CFAP61: variants seen among roughly 807,000 people sequenced by gnomAD.
CFAP61 encodes cilia- and flagella-associated protein 61.
A neutral mutation model predicts 135.6 loss-of-function variants in CFAP61; 107 were observed. That is an observed-to-expected ratio of 0.79 (90% confidence interval 0.67 to 0.93). CFAP61 has a LOEUF of 0.93. CFAP61 is among the 40% of genes least tolerant of loss of function. The probability of loss-of-function intolerance (pLI) is 0.00; values close to 1 mark genes in which losing one functional copy is unlikely to be tolerated. For missense variants in CFAP61, 1,507 were observed against 1,556.2 expected, an observed-to-expected ratio of 0.97 and a Z score of 0.53; for synonymous variants, 575 against 578.5, an observed-to-expected ratio of 0.99 and a Z score of 0.09.
intron 17 of CFAP61, among the ~76,000 whole-genome samples, chr20:20,218,379 T>G (rs1005902471): frequency 5.3e-5 from 8 of 152,234 alleles, no homozygotes; most frequent in Non-Finnish European, 7.3e-5. Context: ...CCACCATGAT[T>G]GTGAGACCTT....
chr20:20,207,566 A>T (rs1353968762), intron 17 of CFAP61, among the ~76,000 whole-genome samples: 1 of 152,186 alleles, frequency 6.6e-6, no homozygotes, highest in Admixed American at 6.5e-5. Context: ...GCTTCTTCAG[A>T]ATCTGCCTTT....
chr20:20,307,122 G>A lies in CFAP61; in HGVS notation c.3422+8736G>A, dbSNP rs902708027. Reference sequence around the variant, plus strand: ...ACCACCCTCTTTGTCCTGTGCCCCTGTGCACACTTGGTATATATCCTAAGA... The same window carrying A: ...ACCACCCTCTTTGTCCTGTGCCCCTATGCACACTTGGTATATATCCTAAGA... On this transcript the variant is annotated intron_variant, in intron 25 of 26. Coordinates refer to ENST00000245957, the MANE Select transcript of CFAP61 (RefSeq NM_015585.4). Among the ~76,000 whole-genome samples the A allele has an allele frequency of 5.9e-5, 9 of 152,198 alleles. No homozygotes were observed. The East Asian group carries it at 1.7e-3, about 29-fold the overall frequency.
rs1555959220 is a variant in CFAP61 at position 20,296,326 on chromosome 20, C to CCCTTGCTTCCTTCCTTCCCT, written c.3217-1851_3217-1850insGCTTCCTTCCTTCCCTCCTT. On this transcript the variant is annotated intron_variant, in intron 24 of 26. Transcript: ENST00000245957. ...TCCTTCCTTCCTTCCCTCCTTCCTT[C>CCCTTGCTTCCTTCCTTCCCT]CCTTCCTTCCTTCCTTGCTTCCTTC... 3.3e-3 allele frequency among the ~76,000 whole-genome samples: 115 copies of CCCTTGCTTCCTTCCTTCCCT among 34,680 alleles called. 2 individuals are homozygous for CCCTTGCTTCCTTCCTTCCCT. Among genetic ancestry groups the CCCTTGCTTCCTTCCTTCCCT allele is most frequent in the African/African-American group, 0.012 (110 of 9,004 alleles). 22.8% of individuals were successfully genotyped at this position (34,680 alleles called of 152,430 possible).
intron 1 of CFAP61, among the ~76,000 whole-genome samples, chr20:20,053,462 G>T (rs529826596): frequency 6.6e-6 from 1 of 152,100 alleles, no homozygotes; most frequent in African/African-American, 2.4e-5. Flanking sequence ...TTTATATTAG[G>T]GTTCACTCTT....
At chr20:20,153,795 G>T (rs748709767) in intron 9 of CFAP61, among the ~76,000 whole-genome samples, 1 of 152,062 alleles carries the variant, frequency 6.6e-6, no homozygotes, top group Non-Finnish European at 1.5e-5. Context: ...AGAAGAATTG[G>T]TACCAATCTT....
At chr20:20,291,998 G>A (rs2055031345) in intron 24 of CFAP61, among the ~76,000 whole-genome samples, 1 of 152,174 alleles carries the variant, frequency 6.6e-6, no homozygotes, top group South Asian at 2.1e-4. Context: ...TCAAGGACAG[G>A]GTCAGCCATG....
At chr20:20,291,684 G>T (rs1293283508) in intron 24 of CFAP61, among the ~76,000 whole-genome samples, 1 of 152,194 alleles carries the variant, frequency 6.6e-6, no homozygotes, top group African/African-American at 2.4e-5. Flanking sequence ...TGGCCATGGA[G>T]ACCCCACTGT....
intron 6 of CFAP61, among the ~76,000 whole-genome samples, chr20:20,080,436 T>G (rs2046354503): frequency 1.3e-5 from 2 of 152,276 alleles, no homozygotes; most frequent in African/African-American, 2.4e-5. Context: ...TAATTTAAGT[T>G]GTTTCCTGTA....
chr20:20,166,645 G>A (rs1167282993), intron 12 of CFAP61, among the ~76,000 whole-genome samples: 2 of 152,130 alleles, frequency 1.3e-5, no homozygotes, highest in African/African-American at 2.4e-5. Context: ...CTCTTTAAAT[G>A]CAAAATTTCT....
chr20:20,298,533 A>T, intron 25 of CFAP61, 147 bp downstream of exon 25: 1 of 696,922 alleles, frequency 1.4e-6, no homozygotes, highest in Non-Finnish European at 2.4e-6. Context: ...CTAATGAAGA[A>T]CACCTGACGC....
At chr20:20,301,196 C>T (rs1442182711) in intron 25 of CFAP61, among the ~76,000 whole-genome samples, 1 of 152,192 alleles carries the variant, frequency 6.6e-6, no homozygotes, top group Non-Finnish European at 1.5e-5. Flanking sequence ...GTACCCTATA[C>T]AGGTATACCC....
intron 9 of CFAP61, among the ~76,000 whole-genome samples, chr20:20,145,823 C>G (rs1391449795): frequency 2.0e-5 from 3 of 152,124 alleles, no homozygotes; most frequent in Admixed American, 2.0e-4. Flanking sequence ...TACTTATGCA[C>G]CCAATAACAG....
chr20:20,202,068 A>G (rs1204592624), intron 17 of CFAP61, among the ~76,000 whole-genome samples: 2 of 150,412 alleles, frequency 1.3e-5, no homozygotes, highest in African/African-American at 2.5e-5. Flanking sequence ...ATTTTATTTC[A>G]TTTAAAATTA....
intron 2 of CFAP61, among the ~76,000 whole-genome samples, chr20:20,057,120 T>TA (rs752860141): frequency 0.084 from 8,540 of 102,054 alleles, 362 homozygotes; most frequent in East Asian, 0.12. Context: ...CTGTCTCAAT[T>TA]AAAAAAAAAA....
chr20:20,199,931 C>T (rs773596252), intron 17 of CFAP61, 29 bp downstream of exon 17: 12 of 1,611,110 alleles, frequency 7.4e-6, no homozygotes, highest in Admixed American at 3.3e-5. Context: ...GGCAGGGCGG[C>T]GCGGTGCCAG....
chr20:20,130,966 A>G (rs557821822), intron 8 of CFAP61, among the ~76,000 whole-genome samples: 10 of 151,972 alleles, frequency 6.6e-5, no homozygotes, highest in African/African-American at 2.4e-4. Flanking sequence ...ATCTCCTGCC[A>G]GGGAACCCAA....
At chr20:20,060,554 GA>G (rs1480943989) in intron 2 of CFAP61, among the ~76,000 whole-genome samples, 2 of 152,308 alleles carry the variant, frequency 1.3e-5, no homozygotes, top group East Asian at 3.9e-4. Flanking sequence ...TGATTAGAAT[GA>G]AAGAATCCTT....
chr20:20,243,241 G>C (rs900554874), intron 18 of CFAP61, among the ~76,000 whole-genome samples: 1 of 151,918 alleles, frequency 6.6e-6, no homozygotes, highest in Non-Finnish European at 1.5e-5. Flanking sequence ...GAACAGCATG[G>C]GAAAGACCTG....
Position 20,273,685 on chromosome 20 carries a change from G to A in CFAP61, c.2504-3481G>A, listed in dbSNP as rs78355696. Among the ~76,000 whole-genome samples the A allele has an allele frequency of 4.5e-3, 683 of 152,328 alleles. 2 individuals are homozygous for A. Among genetic ancestry groups the A allele is most frequent in the Middle Eastern group, 0.01 (3 of 292 alleles). On this transcript the variant is annotated intron_variant, in intron 21 of 26. Coordinates refer to ENST00000245957, the MANE Select transcript of CFAP61 (RefSeq NM_015585.4). Reference sequence around the variant, plus strand: ...CACAGGCACTGTGCTAGGCTCCAGGGATAACATGATGGGTAGGGCAAACAT... The same window carrying A: ...CACAGGCACTGTGCTAGGCTCCAGGAATAACATGATGGGTAGGGCAAACAT...
Sources: gnomAD v4.1 joint callset for allele counts (sites outside exome capture counted in the v4.1 genomes callset) on GRCh38, gnomAD v4.1.1 for gene constraint, MANE v1.5 for transcripts, NCBI Gene and HGNC (gene_info 2026-07-23, HGNC 2026-07-21) for gene names.